The following CRMP1 variants were observed in gnomAD, a reference collection of about 807,000 sequenced individuals.
The protein encoded by CRMP1 is dihydropyrimidinase-related protein 1.
A neutral mutation model predicts 68.3 loss-of-function variants in CRMP1; 19 were observed. That is an observed-to-expected ratio of 0.28 (90% CI 0.19 to 0.41). The LOEUF is 0.41. Ranked by LOEUF, CRMP1 falls within the 10% of genes least tolerant of loss-of-function variation. The pLI, the probability that CRMP1 is intolerant of heterozygous loss-of-function variation, is 1.00. For synonymous variants in CRMP1, 439 were observed against 399.6 expected (o/e 1.10, Z -1.18); for missense variants, 791 against 967.4 (o/e 0.82, Z 2.42).
chr4:5,839,757 CTG>C, intron 8 of CRMP1, 79 bp from the exon 9 acceptor site: 1 of 1,458,252 alleles, frequency 6.9e-7, no homozygotes, highest in Non-Finnish European at 9.2e-7. Context: ...AATTGGAAGA[CTG>C]TGGAGGGAGA....
chr4:5,825,837 A>G lies in CRMP1; in HGVS notation c.1804-178T>C. ...ACTTCACACACATGCAGCCGCACAC[A>G]GGCATTCATACACACAAGCATGCAT... On this transcript the variant is annotated intron_variant, in intron 12 of 13. Coordinates refer to ENST00000324989, the MANE Select transcript of CRMP1 (RefSeq NM_001014809.3). This position sits in a 1 kb window ranked among gnomAD's most constrained non-coding sequence, Gnocchi z 4.4. The G allele has an allele frequency of 1.6e-6, 1 of 626,674 alleles. No homozygotes were observed. The highest frequency in any genetic ancestry group is 2.1e-5 in the South Asian group (1 of 48,780). 38.8% of individuals were successfully genotyped at this position (626,674 alleles called of 1,614,324 possible).
rs1487885506 is a variant in CRMP1, at chr4:5,842,106, C to T, written c.1033-678G>A. On this transcript the variant is annotated intron_variant, in intron 7 of 13. Coordinates refer to ENST00000324989, the MANE Select transcript of CRMP1 (RefSeq NM_001014809.3). The surrounding 1 kb of genome is among the most constrained non-coding windows in gnomAD (Gnocchi z 4.5). ...TACAAAAAATTAGCCAGTGTGGTGGCAGGTGCCTGTAGTCCCAGCTACTTG... is the reference window on the plus strand; with the variant it reads ...TACAAAAAATTAGCCAGTGTGGTGGTAGGTGCCTGTAGTCCCAGCTACTTG... Among the ~76,000 whole-genome samples the T allele has an allele frequency of 6.6e-6, 1 of 152,150 alleles. No homozygotes were observed. Among genetic ancestry groups the T allele is most frequent in the Non-Finnish European group, 1.5e-5 (1 of 68,024 alleles).
rs750019723 is a variant in CRMP1, at chr4:5,841,980, A to G, written c.1033-552T>C. Among the ~76,000 whole-genome samples the G allele has an allele frequency of 6.6e-5, 10 of 152,238 alleles. No homozygotes were observed. The highest frequency in any genetic ancestry group is 1.2e-4 in the Non-Finnish European group (8 of 68,038). On this transcript the variant is annotated intron_variant, in intron 7 of 13. Transcript: ENST00000324989. This position sits in a 1 kb window ranked among gnomAD's most constrained non-coding sequence, Gnocchi z 6.9. ...TGGATCACTTGAGGTCGGAAGTTTC[A>G]GACCAGACTGGCCACCATGGTGAAA...
chr4:5,844,163 GAA>G (rs989980474), intron 6 of CRMP1, among the ~76,000 whole-genome samples: 24 of 152,216 alleles, frequency 1.6e-4, no homozygotes, highest in Admixed American at 1.6e-3. Flanking sequence ...ATATAAATGG[GAA>G]ACCATTTCAA....
chr4:5,886,630 G>C (rs1160771993), intron 1 of CRMP1, among the ~76,000 whole-genome samples: 2 of 152,222 alleles, frequency 1.3e-5, no homozygotes, highest in African/African-American at 2.4e-5. Context: ...CTGGGGACCT[G>C]AGAGCAGCAG....
At position 5,825,917 on chromosome 4, in the gene CRMP1, C is replaced by T. The variant is rs556151634; in HGVS notation, c.1804-258G>A. On this transcript the variant is annotated intron_variant, in intron 12 of 13. Coordinates refer to ENST00000324989, the MANE Select transcript of CRMP1 (RefSeq NM_001014809.3). The surrounding 1 kb of genome is among the most constrained non-coding windows in gnomAD (Gnocchi z 4.4). ...CACATACAGACGCACACACCACGCA[C>T]ACGCACTCACATACATGCAGTCATG... 3 of 513,426 alleles carry T rather than the reference C, an allele frequency of 5.8e-6. No homozygotes were observed. The highest frequency in any genetic ancestry group is 2.6e-5 in the South Asian group (1 of 38,366). 31.8% of individuals were successfully genotyped at this position (513,426 alleles called of 1,614,324 possible).
Position 5,890,162 on chromosome 4 carries a change from A to T in CRMP1, c.381+2427T>A, listed in dbSNP as rs1245957807. 1.6e-5 allele frequency: 3 copies of T among 184,478 alleles called. No individual in the cohort carries two copies. The highest frequency in any genetic ancestry group is 3.5e-5 in the Non-Finnish European group (3 of 86,902). 11.4% of individuals were successfully genotyped at this position (184,478 alleles called of 1,614,324 possible). ...CCAACTCCTACACTCCCTTCCTTGGAGTTGTTAAGTCCTAGGTTCCCCGTA... is the reference window on the plus strand; with the variant it reads ...CCAACTCCTACACTCCCTTCCTTGGTGTTGTTAAGTCCTAGGTTCCCCGTA... On this transcript the variant is annotated intron_variant, in intron 1 of 13. Coordinates refer to ENST00000324989, the MANE Select transcript of CRMP1 (RefSeq NM_001014809.3). This position sits in a 1 kb window ranked among gnomAD's most constrained non-coding sequence, Gnocchi z 5.5.
chr4:5,848,662 T>C (rs560686641), intron 6 of CRMP1, among the ~76,000 whole-genome samples: 1 of 152,246 alleles, frequency 6.6e-6, no homozygotes, highest in Admixed American at 6.5e-5. Flanking sequence ...CAGAATACCA[T>C]AGACTTGGTA....
intron 6 of CRMP1, among the ~76,000 whole-genome samples, chr4:5,844,268 A>G (rs975659695): frequency 2.6e-5 from 4 of 152,098 alleles, no homozygotes; most frequent in Admixed American, 6.5e-5. Context: ...ATGTTTACAA[A>G]AAGATTTTAG....
rs1230659144 is a variant in CRMP1, at chr4:5,891,000, G to A, written c.381+1589C>T. Among the ~76,000 whole-genome samples, 1 of 152,054 alleles carries A rather than the reference G, an allele frequency of 6.6e-6. No individual in the cohort carries two copies. Among genetic ancestry groups the A allele is most frequent in the East Asian group, 1.9e-4 (1 of 5,148 alleles). ...ACCCGGATTCCCTGGTGCTGGTCCC[G>A]CTTCTCGGCCCGCGGCCCAGAAGCC... is the stretch of plus-strand genomic sequence containing the variant. On this transcript the variant is annotated intron_variant, in intron 1 of 13. Coordinates refer to ENST00000324989, the MANE Select transcript of CRMP1 (RefSeq NM_001014809.3). This position sits in a 1 kb window ranked among gnomAD's most constrained non-coding sequence, Gnocchi z 5.5.
Position 5,821,710 on chromosome 4 carries a change from T to C in CRMP1, c.*50A>G, listed in dbSNP as rs1281768072. 15 of 1,514,732 alleles carry C rather than the reference T, an allele frequency of 9.9e-6. 1 individual carries two copies. In the South Asian group the frequency reaches 1.6e-4, roughly 16 times the overall value. 93.8% of individuals were successfully genotyped at this position (1,514,732 alleles called of 1,614,324 possible). ...TCAAAAACACTGACAGGAAAAGGGA[T>C]GGACATGATTCCCAGAATCCTTCAG... On this transcript the variant is annotated 3_prime_UTR_variant, in exon 14 of 14. Transcript: ENST00000324989. The surrounding 1 kb of genome is among the most constrained non-coding windows in gnomAD (Gnocchi z 4.4).
At position 5,879,147 on chromosome 4, in the gene CRMP1, C is replaced by T. The variant is rs182960146; in HGVS notation, c.382-12391G>A. Among the ~76,000 whole-genome samples, 9 of 150,538 alleles carry T rather than the reference C, an allele frequency of 6.0e-5. No individual in the cohort carries two copies. The Admixed American group carries it at 6.0e-4, about 10-fold the overall frequency. On this transcript the variant is annotated intron_variant, in intron 1 of 13. Coordinates refer to ENST00000324989, the MANE Select transcript of CRMP1 (RefSeq NM_001014809.3). This position sits in a 1 kb window ranked among gnomAD's most constrained non-coding sequence, Gnocchi z 4.2. Reference sequence around the variant, plus strand: ...CAAAGCTCACCTCCTAGGCTCTTCCCGGCCTGAGCCCGGCCCTCTCTCGGC... The same window carrying T: ...CAAAGCTCACCTCCTAGGCTCTTCCTGGCCTGAGCCCGGCCCTCTCTCGGC...
chr4:5,824,105 T>C lies in CRMP1; in HGVS notation c.1969+1389A>G, dbSNP rs950261749. Among the ~76,000 whole-genome samples, 3 of 152,304 alleles carry C rather than the reference T, an allele frequency of 2.0e-5. No homozygotes were observed. The East Asian group carries it at 5.8e-4, about 29-fold the overall frequency. On this transcript the variant is annotated intron_variant, in intron 13 of 13. Transcript: ENST00000324989. ...TTTAACTTCATTGTTATTCTTGTTC[T>C]AAGAACAACGGGGAGGAGGATTTTC...
At position 5,883,882 on chromosome 4, in the gene CRMP1, G is replaced by T. The variant is rs189951209; in HGVS notation, c.381+8707C>A. On this transcript the variant is annotated intron_variant, in intron 1 of 13. Coordinates refer to ENST00000324989, the MANE Select transcript of CRMP1 (RefSeq NM_001014809.3). This position sits in a 1 kb window ranked among gnomAD's most constrained non-coding sequence, Gnocchi z 4.5. Reference sequence around the variant, plus strand: ...GAAGAAATGGGCATTCACGGTTAAGGTGGTATAGTTACGTCACTTTCACTT... The same window carrying T: ...GAAGAAATGGGCATTCACGGTTAAGTTGGTATAGTTACGTCACTTTCACTT... Among the ~76,000 whole-genome samples the T allele has an allele frequency of 2.0e-5, 3 of 152,348 alleles. No individual in the cohort carries two copies. Among genetic ancestry groups the T allele is most frequent in the Admixed American group, 6.5e-5 (1 of 15,308 alleles).
chr4:5,849,312 A>G, intron 6 of CRMP1, 80 bp downstream of exon 6: 4 of 1,165,234 alleles, frequency 3.4e-6, no homozygotes, highest in Non-Finnish European at 5.1e-6. Flanking sequence ...CCTCCTCACT[A>G]ACCAATGCTC....
chr4:5,841,794 G>T lies in CRMP1; in HGVS notation c.1033-366C>A, dbSNP rs1448304062. The stretch of plus-strand genomic sequence containing the variant: ...GACACGGAACCTGTCCACTCATGTG[G>T]ACTCATGTCTGTGTCCCCTGTGTCC... On this transcript the variant is annotated intron_variant, in intron 7 of 13. Transcript: ENST00000324989. This position sits in a 1 kb window ranked among gnomAD's most constrained non-coding sequence, Gnocchi z 6.9. 6.6e-6 allele frequency among the ~76,000 whole-genome samples: 1 copy of T among 152,146 alleles called. No homozygotes were observed. Among genetic ancestry groups the T allele is most frequent in the African/African-American group, 2.4e-5 (1 of 41,442 alleles).
chr4:5,850,896 A>G lies in CRMP1; in HGVS notation c.882+512T>C, dbSNP rs1337373283. Among the ~76,000 whole-genome samples the G allele has an allele frequency of 1.3e-5, 2 of 152,206 alleles. No individual in the cohort carries two copies. The highest frequency in any genetic ancestry group is 2.4e-5 in the African/African-American group (1 of 41,446). On this transcript the variant is annotated intron_variant, in intron 5 of 13. Transcript: ENST00000324989. The surrounding 1 kb of genome is among the most constrained non-coding windows in gnomAD (Gnocchi z 4.4). ...TCCCTTGACTTGGTGCATGTACATA[A>G]TAATTGTTTGCTGTTGGCAGGGCCA...
chr4:5,845,840 G>T (rs1276761760), intron 6 of CRMP1, among the ~76,000 whole-genome samples: 1 of 152,066 alleles, frequency 6.6e-6, no homozygotes, highest in Non-Finnish European at 1.5e-5. Context: ...GAAGAAATAG[G>T]GCCTCTGAGG....
intron 2 of CRMP1, among the ~76,000 whole-genome samples, chr4:5,862,390 T>C (rs1349144410): frequency 1.3e-5 from 2 of 152,072 alleles, no homozygotes; most frequent in African/African-American, 2.4e-5. Context: ...CTACTAATAA[T>C]AACACCAGAA....
Sources: allele counts gnomAD v4.1 joint callset (sites outside exome capture counted in the v4.1 genomes callset), GRCh38; gene constraint gnomAD v4.1.1; non-coding constraint Gnocchi (gnomAD v3.1); transcripts MANE v1.5; gene names NCBI Gene and HGNC (gene_info 2026-07-23, HGNC 2026-07-21).